RNF38: variants seen among roughly 807,000 people sequenced by gnomAD.
The protein encoded by RNF38 is E3 ubiquitin-protein ligase RNF38.
In RNF38, 15 loss-of-function variants were observed where a neutral mutation model predicts 67.2. The ratio of observed to expected loss-of-function variants is 0.22; its 90% CI spans 0.15 to 0.34. The LOEUF (loss-of-function observed/expected upper bound fraction) is 0.34, where lower values mean the gene tolerates loss of function less well. RNF38 is among the 10% of genes least tolerant of loss of function. The probability of loss-of-function intolerance (pLI) is 1.00; values close to 1 mark genes in which losing one functional copy is unlikely to be tolerated. For synonymous variants in RNF38, 220 were observed against 218.8 expected, an observed-to-expected ratio of 1.01 and a Z score of -0.05; for missense variants, 524 against 639.9, an observed-to-expected ratio of 0.82 and a Z score of 1.95.
chr9:36,352,842 G>A lies in RNF38; in HGVS notation c.1078C>T (p.Pro360Ser). The A allele has an allele frequency of 6.2e-7, 1 of 1,611,472 alleles. No individual in the cohort carries two copies. Among genetic ancestry groups the A allele is most frequent in the Non-Finnish European group, 8.5e-7 (1 of 1,177,664 alleles). ...HQEVSFGVPY[P>S]PFMPRRLTGR... ...GTAAGCCTCCGAGGCATAAATGGAGGATAAGGCTGCAAGGGGAAAAATGTT... is the reference window on the plus strand; with the variant it reads ...GTAAGCCTCCGAGGCATAAATGGAGAATAAGGCTGCAAGGGGAAAAATGTT... The change falls in exon 8 of 12, where the codon CCT (proline) becomes TCT (serine). Residue 360 changes from proline (P) to serine (S), a missense_variant. Physicochemically the swap from Pro to Ser is moderately conservative, Grantham distance 74. Coordinates refer to ENST00000259605, the MANE Select transcript of RNF38 (RefSeq NM_022781.5).
intron 1 of RNF38, among the ~76,000 whole-genome samples, chr9:36,453,806 G>A (rs1219978522): frequency 6.6e-6 from 1 of 152,192 alleles, no homozygotes; most frequent in African/African-American, 2.4e-5. Context: ...ACTGATGTGA[G>A]TCATTGCACA....
chr9:36,432,323 C>T (rs554577836), intron 1 of RNF38, among the ~76,000 whole-genome samples: 2 of 151,906 alleles, frequency 1.3e-5, no homozygotes, highest in Non-Finnish European at 2.9e-5. Context: ...TTAGTGGAAA[C>T]GGGGTTTCAC....
chr9:36,412,630 A>T (rs1352062399), intron 2 of RNF38, among the ~76,000 whole-genome samples: 1 of 152,164 alleles, frequency 6.6e-6, no homozygotes, highest in East Asian at 1.9e-4. Flanking sequence ...TCCACGAAAG[A>T]TCTGGTTGTT....
intron 1 of RNF38, among the ~76,000 whole-genome samples, chr9:36,434,108 C>T (rs10972900): frequency 0.35 from 52,768 of 149,894 alleles, 9,400 homozygotes; most frequent in Non-Finnish European, 0.39. Flanking sequence ...TGGTGGCACG[C>T]GCCCATAATC....
intron 1 of RNF38, among the ~76,000 whole-genome samples, chr9:36,451,433 T>C (rs1350684908): frequency 1.4e-5 from 2 of 145,882 alleles, no homozygotes; most frequent in African/African-American, 5.0e-5. Context: ...ACCACTGCAC[T>C]CCTGCCTGTG....
intron 6 of RNF38, among the ~76,000 whole-genome samples, chr9:36,353,540 TA>T (rs1209640818): frequency 6.6e-6 from 1 of 152,192 alleles, no homozygotes; most frequent in Non-Finnish European, 1.5e-5. Context: ...CAACAAGGTT[TA>T]AAACATGTTA....
chr9:36,361,156 T>C (rs1327116427), intron 4 of RNF38, among the ~76,000 whole-genome samples: 1 of 151,864 alleles, frequency 6.6e-6, no homozygotes, highest in African/African-American at 2.4e-5. Flanking sequence ...TCAGATTGTA[T>C]AGTCATTTTT....
intron 1 of RNF38, among the ~76,000 whole-genome samples, chr9:36,426,950 T>C (rs558849140): frequency 6.6e-6 from 1 of 152,352 alleles, no homozygotes; most frequent in Admixed American, 6.5e-5. Context: ...CATAGCACAG[T>C]GCCTGGCACA....
intron 1 of RNF38, among the ~76,000 whole-genome samples, chr9:36,472,842 A>C (rs924263799): frequency 1.6e-4 from 25 of 152,236 alleles, no homozygotes; most frequent in African/African-American, 6.0e-4. Flanking sequence ...ACGGTGGCTC[A>C]TATCTGTAAT....
upstream of RNF38, among the ~76,000 whole-genome samples, chr9:36,404,723 A>T (rs979218010): frequency 1.3e-4 from 20 of 152,330 alleles, no homozygotes; most frequent in African/African-American, 4.6e-4. Context: ...CTATACAAAC[A>T]ATTCTGTTTA....
chr9:36,374,234 T>A (rs970078217), intron 3 of RNF38, among the ~76,000 whole-genome samples: 9 of 152,242 alleles, frequency 5.9e-5, no homozygotes, highest in African/African-American at 2.2e-4. Flanking sequence ...GACAGGTTTA[T>A]GTTCTTTCAG....
At chr9:36,437,447 T>C (rs982023921) in intron 1 of RNF38, among the ~76,000 whole-genome samples, 2 of 151,626 alleles carry the variant, frequency 1.3e-5, no homozygotes, top group Non-Finnish European at 2.9e-5. Context: ...TTACCCTCCA[T>C]CTAGGAAACA....
intron 1 of RNF38, among the ~76,000 whole-genome samples, chr9:36,453,475 T>C (rs909178018): frequency 5.3e-5 from 8 of 151,126 alleles, no homozygotes; most frequent in Non-Finnish European, 1.0e-4. Context: ...CTCCACCTCC[T>C]GGGTTCAAGC....
chr9:36,377,698 T>G (rs1380154030), intron 2 of RNF38, among the ~76,000 whole-genome samples: 1 of 152,188 alleles, frequency 6.6e-6, no homozygotes, highest in East Asian at 1.9e-4. Context: ...GACGCTCAGG[T>G]TCCTGATATA....
At chr9:36,422,076 A>G (rs1838643470) in intron 2 of RNF38, among the ~76,000 whole-genome samples, 2 of 152,038 alleles carry the variant, frequency 1.3e-5, no homozygotes, top group African/African-American at 4.8e-5. Flanking sequence ...TACTAAAAAT[A>G]CAAAAATTAG....
chr9:36,379,844 A>G (rs1836076091), intron 2 of RNF38, among the ~76,000 whole-genome samples: 1 of 152,218 alleles, frequency 6.6e-6, no homozygotes, highest in South Asian at 2.1e-4. Context: ...ATAAAAGACA[A>G]TCAGTCCAGG....
At chr9:36,427,500 G>A (rs1838802641) in intron 1 of RNF38, among the ~76,000 whole-genome samples, 1 of 152,154 alleles carries the variant, frequency 6.6e-6, no homozygotes, top group South Asian at 2.1e-4. Flanking sequence ...TGAAGGCAGA[G>A]AGCTCATGAA....
chr9:36,440,616 A>G (rs908670100), intron 1 of RNF38, among the ~76,000 whole-genome samples: 3 of 152,202 alleles, frequency 2.0e-5, no homozygotes, highest in African/African-American at 7.2e-5. Flanking sequence ...GGAAAAAAAA[A>G]GCAAGTTGCA....
chr9:36,469,905 G>A (rs1839956819), intron 1 of RNF38, among the ~76,000 whole-genome samples: 1 of 152,148 alleles, frequency 6.6e-6, no homozygotes, highest in Non-Finnish European at 1.5e-5. Flanking sequence ...TGGAGCCTGG[G>A]GAGATCGAGA....
Sources: gnomAD v4.1 joint callset for allele counts (sites outside exome capture counted in the v4.1 genomes callset) on GRCh38, gnomAD v4.1.1 for gene constraint, MANE v1.5 for transcripts, NCBI Gene and HGNC (gene_info 2026-07-23, HGNC 2026-07-21) for gene names.